Variants in NCKAP5 observed in about 807,000 individuals in gnomAD.
NCKAP5 encodes the protein NCK associated protein 5.
NCKAP5 carries 92 observed loss-of-function variants against 167.0 expected under a neutral mutation model. The observed-to-expected ratio is 0.55, with a 90% CI of 0.47 to 0.66. The LOEUF (loss-of-function observed/expected upper bound fraction) is 0.66. Ranked by LOEUF, NCKAP5 falls within the 30% of genes least tolerant of loss-of-function variation. NCKAP5 has a pLI of 0.00. For synonymous variants in NCKAP5, 891 were observed against 877.4 expected (o/e 1.02, Z -0.27); for missense variants, 2,378 against 2,315.0 (o/e 1.03, Z -0.56).
chr2:133,578,703 G>A, the NCKAP5 span, among the ~76,000 whole-genome samples: 1 of 152,200 alleles, frequency 6.6e-6, no homozygotes, highest in Non-Finnish European at 1.5e-5. Flanking sequence ...TCCCATGGAT[G>A]TCTCTTCTGA....
intron 6 of NCKAP5, among the ~76,000 whole-genome samples, chr2:133,012,662 A>G (rs1455155881): frequency 6.6e-6 from 1 of 151,978 alleles, no homozygotes; most frequent in Non-Finnish European, 1.5e-5. Flanking sequence ...CCTTGCCTCC[A>G]TGACTGCCTT....
chr2:133,066,483 T>C (rs112890426), intron 6 of NCKAP5, among the ~76,000 whole-genome samples: 1,983 of 152,298 alleles, frequency 0.013, 40 homozygotes, highest in African/African-American at 0.045. Context: ...AGAGAAATTA[T>C]ATGTGTTTCA....
intron 3 of NCKAP5, among the ~76,000 whole-genome samples, chr2:133,318,460 T>C (rs961563436): frequency 1.3e-5 from 2 of 152,194 alleles, no homozygotes; most frequent in Non-Finnish European, 2.9e-5. Context: ...TAAAAAGTGC[T>C]TTTATAGGTG....
At chr2:133,338,836 T>C (rs2150755997) in intron 3 of NCKAP5, among the ~76,000 whole-genome samples, 1 of 152,036 alleles carries the variant, frequency 6.6e-6, no homozygotes, top group South Asian at 2.1e-4. Context: ...GGTGAAACCC[T>C]ATCTCTCCAA....
At chr2:132,697,061 A>C (rs1039647932) in intron 19 of NCKAP5, among the ~76,000 whole-genome samples, 2 of 151,892 alleles carry the variant, frequency 1.3e-5, no homozygotes, top group African/African-American at 4.8e-5. Flanking sequence ...TAATTTTTGT[A>C]TTTTTTTGTA....
chr2:133,082,797 T>C (rs1251343247), intron 6 of NCKAP5, among the ~76,000 whole-genome samples: 1 of 152,186 alleles, frequency 6.6e-6, no homozygotes, highest in Non-Finnish European at 1.5e-5. Flanking sequence ...TGTGTAATTA[T>C]AGACAGTTAA....
intron 4 of NCKAP5, among the ~76,000 whole-genome samples, chr2:133,293,378 C>A (rs1574623903): frequency 6.6e-6 from 1 of 152,196 alleles, no homozygotes; most frequent in East Asian, 1.9e-4. Context: ...CCTAATTAGA[C>A]ACATGCATAT....
chr2:132,877,485 A>T (rs538610400), intron 9 of NCKAP5, among the ~76,000 whole-genome samples: 1 of 152,152 alleles, frequency 6.6e-6, no homozygotes, highest in East Asian at 1.9e-4. Context: ...GTTGACACAT[A>T]GGTCGCTGAG....
At chr2:132,752,220 C>A (rs1051391782) in intron 16 of NCKAP5, among the ~76,000 whole-genome samples, 2 of 152,184 alleles carry the variant, frequency 1.3e-5, no homozygotes, top group Non-Finnish European at 2.9e-5. Context: ...GTTTTAGGGG[C>A]CTTGGGCCCT....
intron 6 of NCKAP5, among the ~76,000 whole-genome samples, chr2:132,996,828 T>C (rs1010225525): frequency 6.6e-6 from 1 of 152,230 alleles, no homozygotes; most frequent in African/African-American, 2.4e-5. Flanking sequence ...GTTCAGACTG[T>C]GTCTGGATGA....
rs145773196 is a variant in NCKAP5, at chr2:132,966,405, C to T, written c.430-2536G>A. Among the ~76,000 whole-genome samples the T allele has an allele frequency of 4.8e-3, 726 of 152,270 alleles. 1 individual carries two copies. Among genetic ancestry groups the T allele is most frequent in the African/African-American group, 0.017 (687 of 41,558 alleles). On this transcript the variant is annotated intron_variant, in intron 7 of 19. Coordinates refer to ENST00000409261, the MANE Select transcript of NCKAP5 (RefSeq NM_207363.3). The stretch of plus-strand genomic sequence containing the variant: ...CTAAGCCACCACACCTAGCCTTGGA[C>T]AAACTTTTTAATTTCAATAAGTCTT...
chr2:132,702,244 G>A lies in NCKAP5; in HGVS notation c.5713+23383C>T, dbSNP rs548839670. On this transcript the variant is annotated intron_variant, in intron 19 of 19. Coordinates refer to ENST00000409261, the MANE Select transcript of NCKAP5 (RefSeq NM_207363.3). The stretch of plus-strand genomic sequence containing the variant: ...GTAAGACATTCTCCACTGAGCTCCC[G>A]TCCACTGTCACTTTGGAAAGGTTTG... Among the ~76,000 whole-genome samples, 17 of 152,222 alleles carry A rather than the reference G, an allele frequency of 1.1e-4. No homozygotes were observed. In the East Asian group the frequency reaches 2.3e-3, roughly 21 times the overall value.
At chr2:132,994,326 C>A (rs1046083803) in intron 6 of NCKAP5, 87 bp from the exon 7 acceptor site, 3 of 879,778 alleles carry the variant, frequency 3.4e-6, no homozygotes, top group South Asian at 1.7e-5. Flanking sequence ...CTCTTCTATG[C>A]GTATTTCCCA....
In NCKAP5 at chr2:132,783,708, C is replaced by T. The variant is rs758661514; in HGVS notation, c.3103G>A (p.Gly1035Arg). The change falls in exon 14 of 20, where the codon GGG becomes AGG. Residue 1035 changes from glycine to arginine, a missense_variant. Coordinates refer to ENST00000409261, the MANE Select transcript of NCKAP5 (RefSeq NM_207363.3). Reference protein sequence around the residue: ...PSSSFTVMALGPPKVSPKRGV... With the variant: ...PSSSFTVMALRPPKVSPKRGV... ...CTCTTCGGAGAGACCTTTGGAGGCC[C>T]CAGAGCCATTACGGTGAAGGAGCTG... 6 of 1,612,914 alleles carry T rather than the reference C, an allele frequency of 3.7e-6. No homozygotes were observed. The Admixed American group carries it at 8.3e-5, about 22-fold the overall frequency.
the NCKAP5 span, among the ~76,000 whole-genome samples, chr2:133,619,537 A>G: frequency 2.0e-5 from 3 of 151,986 alleles, no homozygotes; most frequent in African/African-American, 7.2e-5. Context: ...CCCAACAAAG[A>G]CAAAGAAAAA....
intron 11 of NCKAP5, among the ~76,000 whole-genome samples, chr2:132,839,699 A>G (rs1368727756): frequency 7.1e-6 from 1 of 141,374 alleles, no homozygotes; most frequent in African/African-American, 2.7e-5. Flanking sequence ...TTGAGGCTAT[A>G]GTGAACTTTG....
the NCKAP5 span, among the ~76,000 whole-genome samples, chr2:133,600,307 G>A: frequency 6.6e-6 from 1 of 150,932 alleles, no homozygotes; most frequent in Admixed American, 6.6e-5. Context: ...ATTTCCCTTT[G>A]AGTGTCTCAA....
At chr2:132,688,815 A>C (rs1234827263) in intron 19 of NCKAP5, among the ~76,000 whole-genome samples, 1 of 151,832 alleles carries the variant, frequency 6.6e-6, no homozygotes, top group Non-Finnish European at 1.5e-5. Flanking sequence ...GTGAGACTCT[A>C]TCTCTACAAA....
the NCKAP5 span, among the ~76,000 whole-genome samples, chr2:133,619,943 C>T: frequency 6.6e-6 from 1 of 152,082 alleles, no homozygotes; most frequent in Admixed American, 6.6e-5. Context: ...GATTGGGGTC[C>T]TACTTTTAGC....
Sources: gnomAD v4.1 joint callset for allele counts (sites outside exome capture counted in the v4.1 genomes callset) on GRCh38, gnomAD v4.1.1 for gene constraint, MANE v1.5 for transcripts, NCBI Gene and HGNC (gene_info 2026-07-23, HGNC 2026-07-21) for gene names.